Variants in CYP26B1 observed in about 807,000 individuals in gnomAD.
The protein encoded by CYP26B1 is cytochrome P450 family 26 subfamily B member 1.
In CYP26B1, 8 loss-of-function variants were observed where a neutral mutation model predicts 39.1. The observed-to-expected ratio is 0.20, with a 90% CI of 0.12 to 0.37. CYP26B1 has a LOEUF of 0.37. Among genes scored for constraint, CYP26B1 ranks in the 10% least tolerant of loss-of-function variants. CYP26B1 has a pLI of 1.00. For missense variants in CYP26B1, 615 were observed against 707.0 expected (o/e 0.87, Z 1.48); for synonymous variants, 321 against 314.3 (o/e 1.02, Z -0.23).
rs916584823 is a variant in CYP26B1, at chr2:72,133,133, C to T, written c.1036G>A (p.Asp346Asn). 3 of 1,612,978 alleles carry T rather than the reference C, an allele frequency of 1.9e-6. No homozygotes were observed. Among genetic ancestry groups the T allele is most frequent in the South Asian group, 1.1e-5 (1 of 91,080 alleles). ...GCPCEGTLRL[D>N]TLSGLRYLDC... ...AGGTAGCGCAGCCCACTGAGCGTGT[C>T]CAGGCGCAGTGTGCCCTCGCAGGGG... The change falls in exon 5 of 6, where the codon GAC becomes AAC. Residue 346 changes from aspartate (D) to asparagine (N), a missense_variant. Physicochemically the swap from Asp to Asn is conservative, Grantham distance 23. Coordinates refer to ENST00000001146, the MANE Select transcript of CYP26B1 (RefSeq NM_019885.4).
In CYP26B1 at chr2:72,147,562, C is replaced by G; in HGVS notation, c.204+69G>C. ...GGCTCCCGGCGCCCCCTGGCCGGCC[C>G]GCCGCTCCGTCTGCCCCGCGCTCGC... is the stretch of plus-strand genomic sequence containing the variant. On this transcript the variant is annotated intron_variant, in intron 1 of 5. Coordinates refer to ENST00000001146, the MANE Select transcript of CYP26B1 (RefSeq NM_019885.4). This position sits in a 1 kb window ranked among gnomAD's most constrained non-coding sequence, Gnocchi z 6.1. 1 of 1,471,786 alleles carries G rather than the reference C, an allele frequency of 6.8e-7. No individual in the cohort carries two copies. The highest frequency in any genetic ancestry group is 2.7e-5 in the East Asian group (1 of 36,732). 91.2% of individuals were successfully genotyped at this position (1,471,786 alleles called of 1,614,324 possible).
At chr2:72,138,042 G>A (rs1248749586) in intron 2 of CYP26B1, among the ~76,000 whole-genome samples, 1 of 152,204 alleles carries the variant, frequency 6.6e-6, no homozygotes, top group East Asian at 1.9e-4. Context: ...TTTCTGCCAG[G>A]CTGTCCGTGA....
At chr2:72,135,982 G>A (rs1483920819) in intron 2 of CYP26B1, among the ~76,000 whole-genome samples, 1 of 152,132 alleles carries the variant, frequency 6.6e-6, no homozygotes. Flanking sequence ...ACAAACAGAA[G>A]CCCTGTGACT....
At chr2:72,141,350 T>C (rs917239594) in intron 2 of CYP26B1, among the ~76,000 whole-genome samples, 1 of 152,174 alleles carries the variant, frequency 6.6e-6, no homozygotes, top group Non-Finnish European at 1.5e-5. Flanking sequence ...ACCCCACCCC[T>C]GCTGGCCCAG....
chr2:72,134,847 G>A lies in CYP26B1; in HGVS notation c.775C>T (p.Gln259Ter). ...KAIREKLQCT[Q>*]GKDYLDALDL... is the part of the protein sequence containing the mutation. ...AGGGCGTCCAAGTAGTCCTTGCCCT[G>A]TGTGCACTGCAGCTTCTCCCGGATG... Residue 259 changes from glutamine to a stop codon, truncating the protein, a stop_gained, in exon 4 of 6, where the codon CAG (glutamine) becomes TAG (stop). Transcript: ENST00000001146. LOFTEE classifies it high-confidence loss of function. 6.2e-7 allele frequency: 1 copy of A among 1,614,182 alleles called. No homozygotes were observed. The highest frequency in any genetic ancestry group is 8.5e-7 in the Non-Finnish European group (1 of 1,180,018).
At chr2:72,142,698 CG>C (rs1558971290) in intron 2 of CYP26B1, among the ~76,000 whole-genome samples, 3 of 152,116 alleles carry the variant, frequency 2.0e-5, no homozygotes, top group African/African-American at 7.2e-5. Flanking sequence ...TTTGAAAAGC[CG>C]AGGCTTCATT....
chr2:72,132,311 G>A lies in CYP26B1; in HGVS notation c.1455C>T (p.Gly485=). ...TLVPVLHPVD[G]LSVKFFGLDS... ...CCAGGCCAAAGAACTTGACGCTGAG[G>A]CCATCCACGGGGTGCAGGACGGGGA... The change falls in exon 6 of 6, where the codon GGC becomes GGT. Residue 485 remains glycine (G), a synonymous_variant. Coordinates refer to ENST00000001146, the MANE Select transcript of CYP26B1 (RefSeq NM_019885.4). The A allele has an allele frequency of 6.2e-7, 1 of 1,608,396 alleles. No individual in the cohort carries two copies. Among genetic ancestry groups the A allele is most frequent in the Middle Eastern group, 1.7e-4 (1 of 6,054 alleles).
chr2:72,137,321 G>T (rs1266182407), intron 2 of CYP26B1, among the ~76,000 whole-genome samples: 1 of 152,200 alleles, frequency 6.6e-6, no homozygotes, highest in Non-Finnish European at 1.5e-5. Context: ...ATGGCCAAGT[G>T]GCTATCTGCT....
At chr2:72,143,606 C>A (rs1214653066) in intron 2 of CYP26B1, among the ~76,000 whole-genome samples, 4 of 152,244 alleles carry the variant, frequency 2.6e-5, no homozygotes, top group Admixed American at 6.5e-5. Context: ...TTAGAATGAT[C>A]GGTCTCCAGT....
chr2:72,146,999 G>T (rs1677139073), intron 1 of CYP26B1, among the ~76,000 whole-genome samples: 1 of 152,084 alleles, frequency 6.6e-6, no homozygotes, highest in African/African-American at 2.4e-5. Context: ...TAAGTAAATA[G>T]ACCCTTTTCC....
intron 2 of CYP26B1, among the ~76,000 whole-genome samples, chr2:72,138,788 C>G (rs1021755710): frequency 2.0e-5 from 3 of 152,170 alleles, no homozygotes; most frequent in African/African-American, 7.2e-5. Flanking sequence ...CCTTGGGCAA[C>G]TCCCCTGCCA....
At position 72,144,133 on chromosome 2, in the gene CYP26B1, G is replaced by T. The variant is rs1205296508; in HGVS notation, c.285C>A (p.Arg95=). The T allele has an allele frequency of 1.2e-6, 2 of 1,611,168 alleles. No individual in the cohort carries two copies. Among genetic ancestry groups the T allele is most frequent in the Non-Finnish European group, 1.7e-6 (2 of 1,177,586 alleles). The change falls in exon 2 of 6, where the codon CGC becomes CGA. Residue 95 remains arginine (R), a synonymous_variant. Coordinates refer to ENST00000001146, the MANE Select transcript of CYP26B1 (RefSeq NM_019885.4). ...TGCGCACGTTCTCCGCGCCGGTCAC[G>T]CGTATCAGCGGCCGCCCCAACAAAT... ...KTHLLGRPLI[R]VTGAENVRKI... is the part of the protein sequence containing the mutation.
Position 72,131,878 on chromosome 2 carries a change from G to C in CYP26B1, c.*349C>G. The C allele has an allele frequency of 3.7e-6, 1 of 271,832 alleles. No individual in the cohort carries two copies. Among genetic ancestry groups the C allele is most frequent in the Admixed American group, 5.0e-5 (1 of 20,114 alleles). The allele number at this position is 271,832 out of a possible 1,614,324, so 16.8% of individuals were successfully genotyped here. A position where few individuals can be genotyped will look rare whatever the true frequency, so the allele number is the denominator to read the frequency against. ...CCCCCAACCCCAGCTAAAAGGGTCC[G>C]AAAGGAACGGAGGGAAGGGAGCAGT... On this transcript the variant is annotated 3_prime_UTR_variant, in exon 6 of 6. Coordinates refer to ENST00000001146, the MANE Select transcript of CYP26B1 (RefSeq NM_019885.4).
At chr2:72,136,618 G>C (rs1237432268) in intron 2 of CYP26B1, among the ~76,000 whole-genome samples, 1 of 152,246 alleles carries the variant, frequency 6.6e-6, no homozygotes, top group Non-Finnish European at 1.5e-5. Flanking sequence ...CTGCTACAAA[G>C]GGACAGCTGA....
At chr2:72,144,533 C>T in intron 1 of CYP26B1, 1 of 1,126,826 alleles carries the variant, frequency 8.9e-7, no homozygotes, top group East Asian at 4.4e-5. Flanking sequence ...CCCACCCCCA[C>T]CCCCACACCC....
Position 72,132,225 on chromosome 2 carries a change from G to C in CYP26B1, c.*2C>G. On this transcript the variant is annotated 3_prime_UTR_variant, in exon 6 of 6. Coordinates refer to ENST00000001146, the MANE Select transcript of CYP26B1 (RefSeq NM_019885.4). ...GCTGGGCTGAGGCGGGTGGGTCTTG[G>C]GTTAGACTGTGGCGCTCAGCATGGC... is the stretch of plus-strand genomic sequence containing the variant. 6.3e-7 allele frequency: 1 copy of C among 1,597,450 alleles called. No individual in the cohort carries two copies. The highest frequency in any genetic ancestry group is 8.5e-7 in the Non-Finnish European group (1 of 1,172,546).
rs1384692182 is a variant in CYP26B1 at position 72,132,189 on chromosome 2, C to T, written c.*38G>A. 3.2e-6 allele frequency: 5 copies of T among 1,579,854 alleles called. No individual in the cohort carries two copies. In the African/African-American group the frequency reaches 6.7e-5, roughly 21 times the overall value. ...GTTTCTACCTCCCACAACCACCACC[C>T]CGCTGCCTGGGCTGGGCTGAGGCGG... On this transcript the variant is annotated 3_prime_UTR_variant, in exon 6 of 6. Coordinates refer to ENST00000001146, the MANE Select transcript of CYP26B1 (RefSeq NM_019885.4).
chr2:72,132,873 C>G (rs571323950), intron 5 of CYP26B1, 150 bp downstream of exon 5: 373 of 1,401,848 alleles, frequency 2.7e-4, no homozygotes, highest in Non-Finnish European at 3.3e-4. Context: ...TTGGGGCGCA[C>G]TTCTCCCATC....
Position 72,129,365 on chromosome 2 carries a change from G to A in CYP26B1, c.*2862C>T, listed in dbSNP as rs1011848349. ...AATATTATATACAGATTAAAACCAC[G>A]ACAGCAAAAACACTCACACGGTACC... On this transcript the variant is annotated 3_prime_UTR_variant, in exon 6 of 6. Transcript: ENST00000001146. The A allele has an allele frequency of 1.6e-4, 24 of 152,170 alleles. No homozygotes were observed. The highest frequency in any genetic ancestry group is 5.2e-4 in the Admixed American group (8 of 15,250). 9.4% of individuals were successfully genotyped at this position (152,170 alleles called of 1,614,324 possible). A position where few individuals can be genotyped will look rare whatever the true frequency, so the allele number is the denominator to read the frequency against.
Sources: allele counts gnomAD v4.1 joint callset (sites outside exome capture counted in the v4.1 genomes callset), GRCh38; gene constraint gnomAD v4.1.1; non-coding constraint Gnocchi (gnomAD v3.1); transcripts MANE v1.5; gene names NCBI Gene and HGNC (gene_info 2026-07-23, HGNC 2026-07-21).